PRKCA: variants seen among roughly 807,000 people sequenced by gnomAD.
PRKCA encodes the protein protein kinase C alpha type.
PRKCA carries 27 observed loss-of-function variants against 87.0 expected under a neutral mutation model. That is an observed-to-expected ratio of 0.31 (90% CI 0.23 to 0.43). The LOEUF (loss-of-function observed/expected upper bound fraction) is 0.43, where lower values mean the gene tolerates loss of function less well. PRKCA is among the 20% of genes least tolerant of loss of function. The pLI, the probability that PRKCA is intolerant of heterozygous loss-of-function variation, is 1.00. For synonymous variants in PRKCA, 329 were observed against 311.1 expected (o/e 1.06, Z -0.61); for missense variants, 518 against 852.3 (o/e 0.61, Z 4.88).
intron 10 of PRKCA, among the ~76,000 whole-genome samples, chr17:66,738,231 C>G (rs1363428920): frequency 1.3e-5 from 2 of 152,162 alleles, no homozygotes; most frequent in African/African-American, 4.8e-5. Context: ...ATCTAGAGTC[C>G]CCTGTCCCAT....
intron 8 of PRKCA, among the ~76,000 whole-genome samples, chr17:66,699,190 A>G (rs1199621020): frequency 6.9e-6 from 1 of 144,460 alleles, no homozygotes. Flanking sequence ...CAGCCTGGGC[A>G]ACATAACTAG....
chr17:66,640,299 G>A (rs576955464), intron 3 of PRKCA, among the ~76,000 whole-genome samples: 4 of 152,296 alleles, frequency 2.6e-5, no homozygotes, highest in African/African-American at 9.6e-5. Flanking sequence ...CTTTAACCAC[G>A]ATGGTCTTCT....
intron 11 of PRKCA, among the ~76,000 whole-genome samples, chr17:66,740,357 T>A (rs1412648466): frequency 6.6e-6 from 1 of 151,988 alleles, no homozygotes; most frequent in Non-Finnish European, 1.5e-5. Context: ...GAAACACCAG[T>A]GGAGCAAGCC....
intron 2 of PRKCA, among the ~76,000 whole-genome samples, chr17:66,368,364 GTATATATA>G (rs765889045): frequency 1.6e-3 from 70 of 44,520 alleles, no homozygotes; most frequent in African/African-American, 4.5e-3. Context: ...GTGTGTATAT[GTATATATA>G]TATATATATA....
intron 3 of PRKCA, among the ~76,000 whole-genome samples, chr17:66,621,993 G>A (rs1264715306): frequency 2.0e-5 from 3 of 152,072 alleles, no homozygotes; most frequent in African/African-American, 7.2e-5. Context: ...CTTGAGGCCA[G>A]GAGTTCAGGA....
Position 66,788,516 on chromosome 17 carries a change from A to G in PRKCA, c.1714-323A>G, listed in dbSNP as rs140039518. On this transcript the variant is annotated intron_variant, in intron 15 of 16. Coordinates refer to ENST00000413366, the MANE Select transcript of PRKCA (RefSeq NM_002737.3). ...ATTGCATGCTTTTTTTTTTATTACT[A>G]GATACATGTATAGCATGGTGTCTCC... is the stretch of plus-strand genomic sequence containing the variant. Among the ~76,000 whole-genome samples, 79 of 151,828 alleles carry G rather than the reference A, an allele frequency of 5.2e-4. No individual in the cohort carries two copies. The East Asian group carries it at 0.011, about 20-fold the overall frequency.
intron 3 of PRKCA, among the ~76,000 whole-genome samples, chr17:66,541,008 AGTGGCTGT>A (rs1473965065): frequency 6.6e-6 from 1 of 152,164 alleles, no homozygotes; most frequent in East Asian, 1.9e-4. Context: ...AGAGGTAGGA[AGTGGCTGT>A]TACTAGCTGT....
chr17:66,303,052 C>T, intron 1 of PRKCA, 28 bp downstream of exon 1: 2 of 1,586,894 alleles, frequency 1.3e-6, no homozygotes, highest in South Asian at 2.3e-5. Flanking sequence ...CACTCCTGCC[C>T]CGCTCCTCCC....
rs1292155556 is a variant in PRKCA, at chr17:66,436,060, A to C, written c.206-60141A>C. ...GGAAACTGGTGATGGCTGGCAGGGGAAAAGGGGGGTCCCATTTTCAGGCAT... is the reference window on the plus strand; with the variant it reads ...GGAAACTGGTGATGGCTGGCAGGGGCAAAGGGGGGTCCCATTTTCAGGCAT... On this transcript the variant is annotated intron_variant, in intron 2 of 16. Coordinates refer to ENST00000413366, the MANE Select transcript of PRKCA (RefSeq NM_002737.3). Among the ~76,000 whole-genome samples the C allele has an allele frequency of 2.6e-5, 4 of 152,116 alleles. No individual in the cohort carries two copies. The East Asian group carries it at 5.8e-4, about 22-fold the overall frequency.
chr17:66,334,175 G>A (rs1204176831), intron 2 of PRKCA, among the ~76,000 whole-genome samples: 7 of 152,128 alleles, frequency 4.6e-5, no homozygotes, highest in African/African-American at 1.4e-4. Flanking sequence ...GCTTGAACCC[G>A]GGAGTTGGAG....
chr17:66,436,727 C>T (rs1365230594), intron 2 of PRKCA, among the ~76,000 whole-genome samples: 6 of 152,134 alleles, frequency 3.9e-5, no homozygotes, highest in African/African-American at 4.8e-5. Context: ...TTGGGAAATA[C>T]CTCTGTGGAT....
At chr17:66,613,598 G>C (rs1489818222) in intron 3 of PRKCA, among the ~76,000 whole-genome samples, 1 of 151,898 alleles carries the variant, frequency 6.6e-6, no homozygotes, top group Non-Finnish European at 1.5e-5. Context: ...CCTCTTCCTG[G>C]CTTCTGGGGC....
At position 66,614,075 on chromosome 17, in the gene PRKCA, G is replaced by A. The variant is rs1970451277; in HGVS notation, c.289-27280G>A. Among the ~76,000 whole-genome samples the A allele has an allele frequency of 2.6e-5, 4 of 152,212 alleles. No homozygotes were observed. In the South Asian group the frequency reaches 8.3e-4, roughly 32 times the overall value. Reference sequence around the variant, plus strand: ...CCGAGTGCTGGGATTACAGGCATGAGCCACCATGCCCAGCTGACCTCATCT... The same window carrying A: ...CCGAGTGCTGGGATTACAGGCATGAACCACCATGCCCAGCTGACCTCATCT... On this transcript the variant is annotated intron_variant, in intron 3 of 16. Transcript: ENST00000413366.
At position 66,735,638 on chromosome 17, in the gene PRKCA, G is replaced by T; in HGVS notation, c.1206G>T (p.Gln402His). Residue 402 changes from glutamine to histidine, a missense_variant, in exon 10 of 17, where the codon CAG (glutamine) becomes CAT (histidine). By Grantham distance (24) the Gln-to-His change is conservative. Around this residue, in one of 5 missense-constraint regions of PRKCA, gnomAD observed 300 missense variants for 496.8 expected, o/e 0.60. Coordinates refer to ENST00000413366, the MANE Select transcript of PRKCA (RefSeq NM_002737.3). ...TTGACAAACCCCCGTTCTTGACGCA[G>T]CTGCACTCCTGCTTCCAGACAGTGG... ...ALLDKPPFLTQLHSCFQTVDR... is the reference protein window; with the variant it reads ...ALLDKPPFLTHLHSCFQTVDR... 1.2e-6 allele frequency: 2 copies of T among 1,614,150 alleles called. No individual in the cohort carries two copies. The highest frequency in any genetic ancestry group is 1.7e-6 in the Non-Finnish European group (2 of 1,180,014).
At chr17:66,619,693 G>A (rs1259138542) in intron 3 of PRKCA, among the ~76,000 whole-genome samples, 2 of 152,066 alleles carry the variant, frequency 1.3e-5, no homozygotes, top group Admixed American at 6.6e-5. Flanking sequence ...TGTGGAAACC[G>A]ATCTCTTCTC....
At chr17:66,550,995 G>A (rs896962469) in intron 3 of PRKCA, among the ~76,000 whole-genome samples, 3 of 152,130 alleles carry the variant, frequency 2.0e-5, no homozygotes, top group African/African-American at 7.2e-5. Context: ...TTTTGTGTTG[G>A]TATATAGTAA....
At chr17:66,785,511 C>T (rs752875314) in intron 14 of PRKCA, among the ~76,000 whole-genome samples, 29 of 152,242 alleles carry the variant, frequency 1.9e-4, no homozygotes, top group Middle Eastern at 3.4e-3. Flanking sequence ...GCCTTTCTGA[C>T]GCTAAGCTCA....
chr17:66,400,542 C>T (rs755464430), intron 2 of PRKCA, among the ~76,000 whole-genome samples: 1 of 152,228 alleles, frequency 6.6e-6, no homozygotes, highest in Non-Finnish European at 1.5e-5. Flanking sequence ...CTCTTCGTTG[C>T]TTCCACCTCT....
At chr17:66,583,415 G>A (rs1284970763) in intron 3 of PRKCA, among the ~76,000 whole-genome samples, 2 of 152,156 alleles carry the variant, frequency 1.3e-5, no homozygotes, top group African/African-American at 4.8e-5. Context: ...AGACAATCAA[G>A]TCTTAAGTGC....
Sources: allele counts gnomAD v4.1 joint callset (sites outside exome capture counted in the v4.1 genomes callset), GRCh38; gene constraint gnomAD v4.1.1; regional missense constraint gnomAD v4.1.1; transcripts MANE v1.5; gene names NCBI Gene and HGNC (gene_info 2026-07-23, HGNC 2026-07-21).